TACR3: variants seen among roughly 807,000 people sequenced by gnomAD.
The protein encoded by TACR3 is tachykinin receptor 3.
A neutral mutation model predicts 35.0 loss-of-function variants in TACR3; 34 were observed. The ratio of observed to expected loss-of-function variants is 0.97; its 90% confidence interval spans 0.74 to 1.30. The LOEUF (loss-of-function observed/expected upper bound fraction) is 1.30. TACR3 is among the 50% of genes most tolerant of loss of function. The pLI is 0.00. For missense variants in TACR3, 558 were observed against 591.7 expected (o/e 0.94, Z 0.59); for synonymous variants, 233 against 221.1 (o/e 1.05, Z -0.48).
intron 3 of TACR3, among the ~76,000 whole-genome samples, chr4:103,626,897 G>A (rs1275978022): frequency 1.3e-5 from 2 of 151,766 alleles, no homozygotes; most frequent in East Asian, 1.9e-4. Context: ...TGGTGGGGCC[G>A]AGCGCGGTAG....
chr4:103,591,744 T>C (rs1223186399), intron 3 of TACR3, 61 bp from the exon 4 acceptor site: 78 of 1,462,618 alleles, frequency 5.3e-5, no homozygotes, highest in Non-Finnish European at 7.2e-5. Context: ...CAATAGCTTA[T>C]TGCAAATCAT....
chr4:103,619,661 C>G (rs1724734658), intron 3 of TACR3, among the ~76,000 whole-genome samples: 1 of 148,790 alleles, frequency 6.7e-6, no homozygotes, highest in Non-Finnish European at 1.5e-5. Flanking sequence ...GGGTCCGTTA[C>G]AGATGGCTCT....
Position 103,717,226 on chromosome 4 carries a change from G to GT in TACR3, c.548+1901dup, listed in dbSNP as rs553444941. ...TTTTAAACAAGATTTCTGTATTTCT[G>GT]TTTTTTTTTAATCAACTGTCTGCTC... On this transcript the variant is annotated intron_variant, in intron 1 of 4. Transcript: ENST00000304883. Among the ~76,000 whole-genome samples, 137 of 150,302 alleles carry GT rather than the reference G, an allele frequency of 9.1e-4. 1 individual carries two copies. In the South Asian group the frequency reaches 0.012, roughly 13 times the overall value.
At chr4:103,634,395 T>TAAAC (rs891269427) in intron 3 of TACR3, among the ~76,000 whole-genome samples, 1 of 152,038 alleles carries the variant, frequency 6.6e-6, no homozygotes, top group Non-Finnish European at 1.5e-5. Flanking sequence ...GGAAGAAACA[T>TAAAC]AAACAGTGAG....
At chr4:103,597,613 C>T (rs985343537) in intron 3 of TACR3, among the ~76,000 whole-genome samples, 4 of 151,368 alleles carry the variant, frequency 2.6e-5, no homozygotes, top group African/African-American at 9.7e-5. Flanking sequence ...CGTCCCCCCA[C>T]CCCACAAGAG....
chr4:103,599,822 A>T (rs62306501), intron 3 of TACR3, among the ~76,000 whole-genome samples: 1,541 of 152,232 alleles, frequency 0.01, 17 homozygotes, highest in Non-Finnish European at 0.017. Flanking sequence ...ATCATGGTGG[A>T]TAAACTTTTT....
chr4:103,666,811 C>T (rs1245237911), intron 1 of TACR3, among the ~76,000 whole-genome samples: 5 of 152,094 alleles, frequency 3.3e-5, no homozygotes, highest in Non-Finnish European at 7.4e-5. Context: ...GATTATTTCA[C>T]CCATAAGACA....
chr4:103,656,637 T>C (rs1348913970), intron 2 of TACR3, among the ~76,000 whole-genome samples: 2 of 152,054 alleles, frequency 1.3e-5, no homozygotes, highest in Admixed American at 6.6e-5. Flanking sequence ...GAGGAACGAC[T>C]TTCCACTGCT....
intron 1 of TACR3, among the ~76,000 whole-genome samples, chr4:103,675,592 G>A (rs58088357): frequency 0.15 from 23,418 of 152,120 alleles, 2,354 homozygotes; most frequent in East Asian, 0.43. Flanking sequence ...TTCTTCAGGT[G>A]TGAAGGGTGA....
At chr4:103,700,151 A>G (rs1722617531) in intron 1 of TACR3, among the ~76,000 whole-genome samples, 1 of 152,128 alleles carries the variant, frequency 6.6e-6, no homozygotes, top group Non-Finnish European at 1.5e-5. Flanking sequence ...ACAACTCCTG[A>G]TTTGTAGTGT....
chr4:103,654,304 C>T (rs1725683976), intron 3 of TACR3, among the ~76,000 whole-genome samples: 1 of 151,512 alleles, frequency 6.6e-6, no homozygotes, highest in South Asian at 2.1e-4. Flanking sequence ...ACCCAAATGT[C>T]CAACAACGAT....
At chr4:103,711,227 G>C (rs1444431089) in intron 1 of TACR3, among the ~76,000 whole-genome samples, 3 of 152,236 alleles carry the variant, frequency 2.0e-5, no homozygotes, top group Non-Finnish European at 2.9e-5. Context: ...GATGAACATT[G>C]ATGCAAAAAT....
chr4:103,643,574 T>C (rs1291294744), intron 3 of TACR3, among the ~76,000 whole-genome samples: 3 of 151,822 alleles, frequency 2.0e-5, no homozygotes, highest in Non-Finnish European at 2.9e-5. Context: ...TTGGGCAACA[T>C]TCACCTTCCC....
At chr4:103,598,080 G>C (rs1578218805) in intron 3 of TACR3, among the ~76,000 whole-genome samples, 4 of 152,266 alleles carry the variant, frequency 2.6e-5, no homozygotes, top group East Asian at 1.9e-4. Context: ...CAGTGTAAAA[G>C]TGTTCCTATT....
At chr4:103,693,439 A>G (rs925648105) in intron 1 of TACR3, among the ~76,000 whole-genome samples, 8 of 152,238 alleles carry the variant, frequency 5.3e-5, no homozygotes, top group Admixed American at 3.3e-4. Context: ...TCTGATTTCT[A>G]TTTCCTCCAG....
Position 103,589,121 on chromosome 4 carries a change from C to T in TACR3, c.*561G>A, listed in dbSNP as rs1163373107. The T allele has an allele frequency of 6.6e-6, 1 of 152,286 alleles. No homozygotes were observed. The highest frequency in any genetic ancestry group is 1.5e-5 in the Non-Finnish European group (1 of 68,188). 9.4% of individuals were successfully genotyped at this position (152,286 alleles called of 1,614,324 possible). A position where few individuals can be genotyped will look rare whatever the true frequency, so the allele number is the denominator to read the frequency against. On this transcript the variant is annotated 3_prime_UTR_variant, in exon 5 of 5. Coordinates refer to ENST00000304883, the MANE Select transcript of TACR3 (RefSeq NM_001059.3). ...GGAAGAAATCTTTAAATCTTTAAAT[C>T]TTTACATTCTACAAAATGAGTTTTC...
In TACR3 at chr4:103,688,196, T is replaced by C. The variant is rs542635594; in HGVS notation, c.549-29793A>G. 5.9e-5 allele frequency among the ~76,000 whole-genome samples: 9 copies of C among 152,308 alleles called. No homozygotes were observed. The South Asian group carries it at 1.9e-3, about 32-fold the overall frequency. On this transcript the variant is annotated intron_variant, in intron 1 of 4. Transcript: ENST00000304883. ...GTGCTGGGAAAACTGGCTAGCCATA[T>C]GTAGAAAGCTGAAACTGGATCCCTT... is the stretch of plus-strand genomic sequence containing the variant.
chr4:103,712,686 C>A (rs1330729540), intron 1 of TACR3, among the ~76,000 whole-genome samples: 3 of 152,158 alleles, frequency 2.0e-5, no homozygotes, highest in South Asian at 2.1e-4. Context: ...AGTGAACAGG[C>A]AACCCACAGA....
At chr4:103,699,327 A>G (rs1375523539) in intron 1 of TACR3, among the ~76,000 whole-genome samples, 1 of 152,174 alleles carries the variant, frequency 6.6e-6, no homozygotes, top group Non-Finnish European at 1.5e-5. Context: ...ATGCTGATAA[A>G]ATGAAGGAGA....
Sources: allele counts gnomAD v4.1 joint callset (sites outside exome capture counted in the v4.1 genomes callset), GRCh38; gene constraint gnomAD v4.1.1; transcripts MANE v1.5; gene names NCBI Gene and HGNC (gene_info 2026-07-23, HGNC 2026-07-21).